The following ZNF236 variants were observed in gnomAD, a reference collection of about 807,000 sequenced individuals.
ZNF236 encodes zinc finger protein 236, also known as regulated by glucose.
Under a neutral mutation model 191.2 loss-of-function variants are expected in ZNF236, and 50 were observed. The ratio of observed to expected loss-of-function variants is 0.26; its 90% CI spans 0.21 to 0.33. ZNF236 has a LOEUF of 0.33. ZNF236 is among the 10% of genes least tolerant of loss of function. The pLI, the probability that ZNF236 is intolerant of heterozygous loss-of-function variation, is 1.00. For missense variants in ZNF236, 1,754 were observed against 2,374.5 expected (o/e 0.74, Z 5.43); for synonymous variants, 907 against 928.8 (o/e 0.98, Z 0.43).
intron 27 of ZNF236, among the ~76,000 whole-genome samples, chr18:76,954,988 G>A (rs1968488535): frequency 6.6e-6 from 1 of 151,856 alleles, no homozygotes; most frequent in Non-Finnish European, 1.5e-5. Context: ...TTATATTCCA[G>A]AATTAATGAA....
intron 30 of ZNF236, among the ~76,000 whole-genome samples, chr18:76,964,608 T>A (rs1899211837): frequency 6.6e-6 from 1 of 152,240 alleles, no homozygotes; most frequent in African/African-American, 2.4e-5. Flanking sequence ...AAATCCATTT[T>A]TTCTTTTTTG....
At chr18:76,883,087 G>A (rs899472100) in intron 9 of ZNF236, among the ~76,000 whole-genome samples, 6 of 152,272 alleles carry the variant, frequency 3.9e-5, no homozygotes, top group East Asian at 1.9e-4. Context: ...GCACCACCCC[G>A]TGCTGCTCCT....
intron 27 of ZNF236, among the ~76,000 whole-genome samples, chr18:76,953,345 C>G (rs1456995521): frequency 1.3e-5 from 2 of 152,186 alleles, no homozygotes; most frequent in Non-Finnish European, 2.9e-5. Context: ...ACTGGTTTTG[C>G]AGGAGAAAAG....
rs1296350286 is a variant in ZNF236 at position 76,915,773 on chromosome 18, G to A, written c.3188G>A (p.Arg1063Gln). ...YKCPFCEEGF[R>Q]TTVHCKKHMK... The stretch of plus-strand genomic sequence containing the variant: ...TGTCCGTTTTGTGAGGAGGGTTTCC[G>A]AACTACAGTGCATTGTAAAAAGCAC... Residue 1063 changes from arginine to glutamine, a missense_variant, in exon 19 of 31, where the codon CGA (arginine) becomes CAA (glutamine). Around this residue, in one of 5 missense-constraint regions of ZNF236, gnomAD observed 641 missense variants for 869.6 expected, o/e 0.74. Coordinates refer to ENST00000320610, the MANE Select transcript of ZNF236 (RefSeq NM_001306089.2). 5 of 1,614,012 alleles carry A rather than the reference G, an allele frequency of 3.1e-6. No homozygotes were observed. The African/African-American group carries it at 4.0e-5, about 13-fold the overall frequency.
intron 30 of ZNF236, among the ~76,000 whole-genome samples, chr18:76,964,617 T>G (rs1041613990): frequency 2.0e-5 from 3 of 152,234 alleles, no homozygotes; most frequent in Non-Finnish European, 4.4e-5. Context: ...TTTTCTTTTT[T>G]GACTTTCTGT....
intron 2 of ZNF236, 102 bp downstream of exon 2, chr18:76,849,770 TAG>T: frequency 6.4e-6 from 7 of 1,092,120 alleles, no homozygotes; most frequent in South Asian, 4.9e-5. Flanking sequence ...GGTTCCTAAA[TAG>T]TAGAACATTT....
intron 1 of ZNF236, among the ~76,000 whole-genome samples, chr18:76,843,489 A>G (rs910780780): frequency 1.3e-5 from 2 of 152,104 alleles, no homozygotes; most frequent in African/African-American, 2.4e-5. Context: ...TTTTAAATAA[A>G]AGAAGAGGCC....
intron 10 of ZNF236, among the ~76,000 whole-genome samples, chr18:76,897,451 C>T (rs1977463587): frequency 6.6e-6 from 1 of 151,882 alleles, no homozygotes; most frequent in South Asian, 2.1e-4. Flanking sequence ...CAAGTACTGC[C>T]CACAGGGACT....
At chr18:76,843,437 T>C (rs1026305683) in intron 1 of ZNF236, among the ~76,000 whole-genome samples, 1 of 152,018 alleles carries the variant, frequency 6.6e-6, no homozygotes, top group African/African-American at 2.4e-5. Flanking sequence ...CGCTGACAAA[T>C]GTGGCAGGAG....
At chr18:76,903,287 A>G (rs1296955321) in intron 11 of ZNF236, among the ~76,000 whole-genome samples, 2 of 152,184 alleles carry the variant, frequency 1.3e-5, no homozygotes, top group Non-Finnish European at 2.9e-5. Context: ...AGTGGTGTTG[A>G]TCATCAGGAC....
chr18:76,913,537 A>G (rs1967274778), intron 17 of ZNF236, among the ~76,000 whole-genome samples: 1 of 152,260 alleles, frequency 6.6e-6, no homozygotes, highest in Non-Finnish European at 1.5e-5. Context: ...TACTCTAAGC[A>G]GAATTTGGTC....
intron 6 of ZNF236, among the ~76,000 whole-genome samples, chr18:76,876,977 T>G (rs1248041562): frequency 1.3e-5 from 2 of 152,258 alleles, no homozygotes; most frequent in Non-Finnish European, 2.9e-5. Flanking sequence ...TTCATAAATA[T>G]TATCCAATTT....
chr18:76,915,519 A>T, intron 18 of ZNF236, 128 bp from the exon 19 acceptor site: 1 of 833,988 alleles, frequency 1.2e-6, no homozygotes, highest in Non-Finnish European at 1.9e-6. Flanking sequence ...TTTTAACCAA[A>T]GTCTGTTAAG....
At chr18:76,891,943 A>C (rs1196869326) in intron 9 of ZNF236, among the ~76,000 whole-genome samples, 6 of 152,014 alleles carry the variant, frequency 3.9e-5, no homozygotes, top group Non-Finnish European at 8.8e-5. Flanking sequence ...TGTATTTTTC[A>C]CTATTTTCAC....
At chr18:76,823,766 C>T (rs937689184) in intron 1 of ZNF236, among the ~76,000 whole-genome samples, 2 of 152,174 alleles carry the variant, frequency 1.3e-5, no homozygotes, top group Non-Finnish European at 2.9e-5. Flanking sequence ...ACGGACTTTC[C>T]TGCGCAGGGG....
At chr18:76,883,362 CTTTTT>C (rs10581368) in intron 9 of ZNF236, among the ~76,000 whole-genome samples, 8 of 93,074 alleles carry the variant, frequency 8.6e-5, no homozygotes, top group Admixed American at 2.2e-4. Flanking sequence ...GGAGCCAGTG[CTTTTT>C]TTTTTTTTTT....
chr18:76,969,644 C>T lies in ZNF236; in HGVS notation c.*1305C>T, dbSNP rs1968872755. The T allele has an allele frequency of 6.6e-6, 1 of 152,238 alleles. No homozygotes were observed. The allele number at this position is 152,238 out of a possible 1,614,324, so 9.4% of individuals were successfully genotyped here. ...TTTTTTTTTCCTGAAAAATAATTGC[C>T]TTTATTTTCTCTCGTTGCCTCCTTG... is the stretch of plus-strand genomic sequence containing the variant. On this transcript the variant is annotated 3_prime_UTR_variant, in exon 31 of 31. Transcript: ENST00000320610.
chr18:76,842,939 T>G (rs1975554142), intron 1 of ZNF236, among the ~76,000 whole-genome samples: 1 of 152,210 alleles, frequency 6.6e-6, no homozygotes, highest in South Asian at 2.1e-4. Context: ...TCCCAACTTC[T>G]CAGTGCAGGT....
At chr18:76,831,014 C>T (rs1291073448) in intron 1 of ZNF236, among the ~76,000 whole-genome samples, 1 of 152,184 alleles carries the variant, frequency 6.6e-6, no homozygotes, top group Non-Finnish European at 1.5e-5. Context: ...TCTGTCTCTC[C>T]TCACAGTTTC....
Sources: gnomAD v4.1 joint callset for allele counts (sites outside exome capture counted in the v4.1 genomes callset) on GRCh38, gnomAD v4.1.1 for gene constraint, gnomAD v4.1.1 regional missense constraint, MANE v1.5 for transcripts, NCBI Gene and HGNC (gene_info 2026-07-23, HGNC 2026-07-21) for gene names.